PTGFR: variants seen among roughly 807,000 people sequenced by gnomAD.
PTGFR encodes prostaglandin F receptor, also known as prostaglandin F2-alpha receptor.
In PTGFR, 15 loss-of-function variants were observed where a neutral mutation model predicts 26.2. The ratio of observed to expected loss-of-function variants is 0.57; its 90% CI spans 0.38 to 0.88. PTGFR has a LOEUF of 0.88. Among genes scored for constraint, PTGFR ranks in the 40% least tolerant of loss-of-function variants. The pLI is 0.00. For missense variants in PTGFR, 369 were observed against 427.2 expected (o/e 0.86, Z 1.20); for synonymous variants, 165 against 151.1 (o/e 1.09, Z -0.68).
chr1:78,519,579 G>A (rs181210873), intron 2 of PTGFR, among the ~76,000 whole-genome samples: 12 of 152,040 alleles, frequency 7.9e-5, no homozygotes, highest in Admixed American at 5.9e-4. Context: ...CCATGGGCCT[G>A]TGCACATGTG....
At chr1:78,505,757 T>C (rs560686319) in intron 2 of PTGFR, among the ~76,000 whole-genome samples, 2 of 152,314 alleles carry the variant, frequency 1.3e-5, no homozygotes, top group Non-Finnish European at 2.9e-5. Flanking sequence ...TTTATTATGG[T>C]TATTTTGCAT....
intron 2 of PTGFR, among the ~76,000 whole-genome samples, chr1:78,531,443 T>A (rs1491003804): frequency 6.6e-6 from 1 of 152,032 alleles, no homozygotes; most frequent in Non-Finnish European, 1.5e-5. Context: ...GGCCCTTCCT[T>A]AAGAACAGCG....
chr1:78,535,233 C>T (rs1650617021), intron 2 of PTGFR, among the ~76,000 whole-genome samples: 1 of 152,058 alleles, frequency 6.6e-6, no homozygotes, highest in South Asian at 2.1e-4. Context: ...GGGCATGGTG[C>T]ATCTGGGAAA....
Position 78,536,751 on chromosome 1 carries a change from A to T in PTGFR, c.*64A>T. On this transcript the variant is annotated 3_prime_UTR_variant, in exon 3 of 3. Coordinates refer to ENST00000370757, the MANE Select transcript of PTGFR (RefSeq NM_000959.4). Reference sequence around the variant, plus strand: ...ATTAAGACATGTTTGGCAATATTTCAGTTAGTTAAATACCTGTAGCCTAAC... The same window carrying T: ...ATTAAGACATGTTTGGCAATATTTCTGTTAGTTAAATACCTGTAGCCTAAC... 4.6e-6 allele frequency: 7 copies of T among 1,506,006 alleles called. No individual in the cohort carries two copies. In the South Asian group the frequency reaches 9.2e-5, roughly 20 times the overall value. The allele number at this position is 1,506,006 out of a possible 1,614,324, so 93.3% of individuals were successfully genotyped here.
chr1:78,512,128 A>G (rs766156902), intron 2 of PTGFR, among the ~76,000 whole-genome samples: 7 of 152,170 alleles, frequency 4.6e-5, no homozygotes, highest in Non-Finnish European at 8.8e-5. Context: ...AGTCTCTAAC[A>G]AGTTTCTAAC....
chr1:78,510,856 T>C (rs1199007288), intron 2 of PTGFR, among the ~76,000 whole-genome samples: 1 of 152,150 alleles, frequency 6.6e-6, no homozygotes, highest in Non-Finnish European at 1.5e-5. Flanking sequence ...GTAAACATTC[T>C]CATTCCCAAA....
In PTGFR at chr1:78,538,613, A is replaced by C. The variant is rs971399753; in HGVS notation, c.*1926A>C. On this transcript the variant is annotated 3_prime_UTR_variant, in exon 3 of 3. Transcript: ENST00000370757. ...CAAAATTATAGAAAACAAATGCAAC[A>C]ATGTGCACATCTGACTTAAGAGTTT... The C allele has an allele frequency of 6.6e-6, 1 of 152,000 alleles. No homozygotes were observed. The highest frequency in any genetic ancestry group is 1.5e-5 in the Non-Finnish European group (1 of 67,970). 9.4% of individuals were successfully genotyped at this position (152,000 alleles called of 1,614,324 possible).
At chr1:78,509,587 C>T (rs540389606) in intron 2 of PTGFR, among the ~76,000 whole-genome samples, 8 of 152,078 alleles carry the variant, frequency 5.3e-5, no homozygotes, top group South Asian at 2.1e-4. Context: ...AGATAGTTTC[C>T]GATACATCTT....
At chr1:78,507,945 T>C (rs1204071793) in intron 2 of PTGFR, among the ~76,000 whole-genome samples, 12 of 152,218 alleles carry the variant, frequency 7.9e-5, no homozygotes, top group African/African-American at 2.9e-4. Flanking sequence ...TTATTCTATT[T>C]TGTTTTCTTC....
At chr1:78,507,404 G>T in intron 2 of PTGFR, among the ~76,000 whole-genome samples, 1 of 152,074 alleles carries the variant, frequency 6.6e-6, no homozygotes, top group East Asian at 1.9e-4. Flanking sequence ...TTCCATAGGA[G>T]CTTATTTGGC....
Position 78,538,746 on chromosome 1 carries a change from T to C in PTGFR, c.*2059T>C, listed in dbSNP as rs545389698. ...TTCACATAAATGTTCAAAATAGAAG[T>C]GTATTTTTTCAGGTTTCTGGAAATA... On this transcript the variant is annotated 3_prime_UTR_variant, in exon 3 of 3. Transcript: ENST00000370757. The C allele has an allele frequency of 2.0e-5, 3 of 152,208 alleles. No homozygotes were observed. The highest frequency in any genetic ancestry group is 4.8e-5 in the African/African-American group (2 of 41,552). The allele number at this position is 152,208 out of a possible 1,614,324, so 9.4% of individuals were successfully genotyped here.
chr1:78,525,600 G>C (rs556670666), intron 2 of PTGFR, among the ~76,000 whole-genome samples: 47 of 152,092 alleles, frequency 3.1e-4, no homozygotes, highest in Admixed American at 1.6e-3. Flanking sequence ...AGGCATAATT[G>C]ATTGAATAAT....
chr1:78,512,822 G>C (rs1455257247), intron 2 of PTGFR, among the ~76,000 whole-genome samples: 2 of 152,186 alleles, frequency 1.3e-5, no homozygotes, highest in Non-Finnish European at 2.9e-5. Flanking sequence ...TGGTAAGTGA[G>C]TTCTGCCTCA....
At chr1:78,521,286 A>G (rs1195044471) in intron 2 of PTGFR, among the ~76,000 whole-genome samples, 2 of 152,136 alleles carry the variant, frequency 1.3e-5, no homozygotes, top group African/African-American at 2.4e-5. Context: ...CTTCCCAGTG[A>G]TTTCAAAAAG....
chr1:78,527,723 T>G (rs530655859), intron 2 of PTGFR, among the ~76,000 whole-genome samples: 95 of 152,258 alleles, frequency 6.2e-4, no homozygotes, highest in Non-Finnish European at 1.1e-3. Context: ...CAGAGAATGT[T>G]GTATGCCAGT....
At chr1:78,506,350 A>G (rs1649828016) in intron 2 of PTGFR, among the ~76,000 whole-genome samples, 1 of 151,746 alleles carries the variant, frequency 6.6e-6, no homozygotes, top group Non-Finnish European at 1.5e-5. Context: ...AAAATCTTTT[A>G]TTTTTATTTT....
chr1:78,492,688 C>A lies in PTGFR; in HGVS notation c.-56C>A. 6.6e-7 allele frequency: 1 copy of A among 1,507,660 alleles called. No individual in the cohort carries two copies. Among genetic ancestry groups the A allele is most frequent in the Non-Finnish European group, 9.0e-7 (1 of 1,108,612 alleles). 93.4% of individuals were successfully genotyped at this position (1,507,660 alleles called of 1,614,324 possible). On this transcript the variant is annotated 5_prime_UTR_variant, in exon 2 of 3. Transcript: ENST00000370757. The stretch of plus-strand genomic sequence containing the variant: ...ATCCTACAGATGTCTGGACTGCAAT[C>A]CTGCACAGTTTTGAGAGGGAGATGA...
intron 2 of PTGFR, among the ~76,000 whole-genome samples, chr1:78,499,427 G>C (rs1381679049): frequency 6.6e-6 from 1 of 152,228 alleles, no homozygotes; most frequent in Non-Finnish European, 1.5e-5. Flanking sequence ...TGATTGTTCT[G>C]TGTTCAGCTC....
In PTGFR at chr1:78,493,526, T is replaced by A. The variant is rs1182988422; in HGVS notation, c.783T>A (p.Cys261Ter). The change falls in exon 2 of 3, where the codon TGT becomes TGA. Residue 261 changes from cysteine to a stop codon, truncating the protein, a stop_gained. Transcript: ENST00000370757. LOFTEE classifies it high-confidence loss of function. ...CGATAATGTGTGTCTCCTGTATTTG[T>A]TGGAGCCCATTTCTGGTAAGAGCCT... The part of the protein sequence containing the change: ...LLAIMCVSCI[C>*]WSPFLVTMAN... 1 of 1,535,928 alleles carries A rather than the reference T, an allele frequency of 6.5e-7. No individual in the cohort carries two copies. Among genetic ancestry groups the A allele is most frequent in the African/African-American group, 1.4e-5 (1 of 72,048 alleles).
Sources: gnomAD v4.1 joint callset for allele counts (sites outside exome capture counted in the v4.1 genomes callset) on GRCh38, gnomAD v4.1.1 for gene constraint, MANE v1.5 for transcripts, NCBI Gene and HGNC (gene_info 2026-07-23, HGNC 2026-07-21) for gene names.